FOXN3: variants seen among roughly 807,000 people sequenced by gnomAD.
The protein encoded by FOXN3 is forkhead box protein N3.
In FOXN3, 7 loss-of-function variants were observed where a neutral mutation model predicts 38.4. The ratio of observed to expected loss-of-function variants is 0.18; its 90% CI spans 0.10 to 0.34. The LOEUF is 0.34. FOXN3 is among the 10% of genes least tolerant of loss of function. FOXN3 has a pLI of 1.00. For synonymous variants in FOXN3, 230 were observed against 242.2 expected (o/e 0.95, Z 0.47); for missense variants, 456 against 613.4 (o/e 0.74, Z 2.71).
At chr14:89,371,565 A>G (rs1890319548) in intron 2 of FOXN3, among the ~76,000 whole-genome samples, 1 of 151,664 alleles carries the variant, frequency 6.6e-6, no homozygotes, top group African/African-American at 2.4e-5. Flanking sequence ...TCCCCAGTCT[A>G]TATTATGTAC....
intron 4 of FOXN3, among the ~76,000 whole-genome samples, chr14:89,278,528 G>C (rs538827140): frequency 6.6e-6 from 1 of 152,250 alleles, no homozygotes; most frequent in Non-Finnish European, 1.5e-5. Flanking sequence ...CATAACTCAT[G>C]ATCCATAACC....
chr14:89,570,061 C>T (rs1030996643), intron 1 of FOXN3, among the ~76,000 whole-genome samples: 2 of 150,364 alleles, frequency 1.3e-5, no homozygotes, highest in South Asian at 2.1e-4. Context: ...AGTGCAGTGG[C>T]GCAATCTCGG....
chr14:89,181,496 T>TC (rs1430093520), intron 4 of FOXN3, among the ~76,000 whole-genome samples: 1 of 152,100 alleles, frequency 6.6e-6, no homozygotes, highest in South Asian at 2.1e-4. Flanking sequence ...ACACAGTTCA[T>TC]CCCCCCAGGC....
chr14:89,283,051 T>C (rs750089234), intron 3 of FOXN3, among the ~76,000 whole-genome samples: 1 of 152,164 alleles, frequency 6.6e-6, no homozygotes. Context: ...CTGGCCCCTG[T>C]TGTAATTGAT....
At chr14:89,504,998 T>C (rs1004796004) in intron 1 of FOXN3, among the ~76,000 whole-genome samples, 1 of 152,068 alleles carries the variant, frequency 6.6e-6, no homozygotes, top group African/African-American at 2.4e-5. Flanking sequence ...ATGAGAATGA[T>C]CTCCATCCTG....
Position 89,607,302 on chromosome 14 carries a change from T to C in FOXN3, c.-15+11726A>G, listed in dbSNP as rs143965826. On this transcript the variant is annotated intron_variant, in intron 1 of 6. Coordinates refer to the FOXN3 transcript ENST00000345097. ...GGCCAAGCCCGGTAGCTCATGCCTA[T>C]AATTCCAGCACTTTGGGAGGCCGAG... Among the ~76,000 whole-genome samples the C allele has an allele frequency of 5.2e-3, 798 of 152,266 alleles. 6 individuals are homozygous for C. Among genetic ancestry groups the C allele is most frequent in the African/African-American group, 0.019 (776 of 41,542 alleles).
intron 1 of FOXN3, among the ~76,000 whole-genome samples, chr14:89,533,661 CAAAAAAAAAAAAAAAAAA>C (rs34194637): frequency 1.5e-5 from 1 of 65,916 alleles, no homozygotes; most frequent in Non-Finnish European, 2.6e-5. Context: ...GACTCTGTCT[CAAAAAAAAAAAAAAAAAA>C]AAAAAAAAAA....
At chr14:89,481,231 C>T (rs1893321089) in intron 1 of FOXN3, among the ~76,000 whole-genome samples, 1 of 152,060 alleles carries the variant, frequency 6.6e-6, no homozygotes, top group African/African-American at 2.4e-5. Flanking sequence ...TTACTCCACC[C>T]TAGATTTCAA....
At chr14:89,266,212 G>A (rs898142323) in intron 4 of FOXN3, among the ~76,000 whole-genome samples, 3 of 152,198 alleles carry the variant, frequency 2.0e-5, no homozygotes, top group Non-Finnish European at 2.9e-5. Flanking sequence ...CTAGAAGTCC[G>A]ACATCAAAGA....
rs1424106975 is a variant in FOXN3 at position 89,427,060 on chromosome 14, T to C, written c.-14-14570A>G. On this transcript the variant is annotated intron_variant, in intron 1 of 6. Coordinates refer to the FOXN3 transcript ENST00000345097. Reference sequence around the variant, plus strand: ...CAGCCTGGCCAACATGGTGAAACTCTGTTACTAAAAATACAAAAATTAGCC... The same window carrying C: ...CAGCCTGGCCAACATGGTGAAACTCCGTTACTAAAAATACAAAAATTAGCC... Among the ~76,000 whole-genome samples, 7 of 151,720 alleles carry C rather than the reference T, an allele frequency of 4.6e-5. No individual in the cohort carries two copies. In the East Asian group the frequency reaches 5.9e-4, roughly 13 times the overall value.
At chr14:89,279,186 G>A (rs1886387096) in intron 4 of FOXN3, among the ~76,000 whole-genome samples, 2 of 152,178 alleles carry the variant, frequency 1.3e-5, no homozygotes, top group East Asian at 3.9e-4. Context: ...AATTTTAATG[G>A]GTTGCATTTA....
intron 4 of FOXN3, among the ~76,000 whole-genome samples, chr14:89,189,279 T>C (rs1274433353): frequency 6.6e-6 from 1 of 152,102 alleles, no homozygotes; most frequent in East Asian, 1.9e-4. Flanking sequence ...AGGATGGATG[T>C]TTTCCTGTGT....
intron 4 of FOXN3, among the ~76,000 whole-genome samples, chr14:89,268,503 C>T (rs373033999): frequency 5.9e-4 from 90 of 152,262 alleles, no homozygotes; most frequent in African/African-American, 2.1e-3. Flanking sequence ...TAAGAAAAAC[C>T]CAATTCAAGC....
chr14:89,435,038 G>T (rs1892247255), intron 1 of FOXN3, among the ~76,000 whole-genome samples: 2 of 152,300 alleles, frequency 1.3e-5, no homozygotes, highest in Admixed American at 1.3e-4. Flanking sequence ...CTGCTAATCA[G>T]ATTAACTTTC....
chr14:89,405,175 C>T (rs1377984676), intron 2 of FOXN3, among the ~76,000 whole-genome samples: 2 of 152,096 alleles, frequency 1.3e-5, no homozygotes, highest in African/African-American at 4.8e-5. Flanking sequence ...CTCACTCTGT[C>T]GCTCAGGCTG....
intron 3 of FOXN3, among the ~76,000 whole-genome samples, chr14:89,294,076 GC>G (rs1288392837): frequency 2.6e-5 from 4 of 152,120 alleles, no homozygotes; most frequent in Admixed American, 2.0e-4. Context: ...CCCCATTGGG[GC>G]CCACCCGTTC....
intron 1 of FOXN3, among the ~76,000 whole-genome samples, chr14:89,590,684 T>C (rs920263986): frequency 1.3e-5 from 2 of 152,150 alleles, no homozygotes; most frequent in African/African-American, 2.4e-5. Context: ...AGGCAAGCCA[T>C]AGAAACTAGA....
chr14:89,294,714 C>A (rs901721205), intron 3 of FOXN3, among the ~76,000 whole-genome samples: 6 of 152,194 alleles, frequency 3.9e-5, no homozygotes, highest in Non-Finnish European at 7.3e-5. Context: ...TGACAGTTTA[C>A]AAATGCCATG....
In FOXN3 at chr14:89,162,896, G is replaced by T. The variant is rs756781928; in HGVS notation, c.925C>A (p.Pro309Thr). The T allele has an allele frequency of 1.9e-6, 3 of 1,607,116 alleles. No homozygotes were observed. The South Asian group carries it at 3.3e-5, about 18-fold the overall frequency. The change falls in exon 6 of 6, where the codon CCC becomes ACC. Residue 309 changes from proline to threonine, a missense_variant. Pro to Thr is a conservative substitution (Grantham distance 38, BLOSUM62 -1). This residue lies in a region of FOXN3 where 386 missense variants were observed against 505.2 expected (regional missense o/e 0.76). Coordinates refer to ENST00000557258, the MANE Select transcript of FOXN3 (RefSeq NM_005197.4). This position sits in a 1 kb window ranked among gnomAD's most constrained non-coding sequence, Gnocchi z 7.2. Reference protein sequence around the residue: ...SCGSPVVSGDPKEDHNYSSAK... With the variant: ...SCGSPVVSGDTKEDHNYSSAK... ...CTGCTGTAGTTGTGATCCTCCTTGG[G>T]GTCTCCGCTGACCACTGGGGAGCCA... is the stretch of plus-strand genomic sequence containing the variant.
Sources: allele counts gnomAD v4.1 joint callset (sites outside exome capture counted in the v4.1 genomes callset), GRCh38; gene constraint gnomAD v4.1.1; regional missense constraint gnomAD v4.1.1; non-coding constraint Gnocchi (gnomAD v3.1); transcripts MANE v1.5; gene names NCBI Gene and HGNC (gene_info 2026-07-23, HGNC 2026-07-21).